The following FIGN variants were observed in gnomAD, a reference collection of about 807,000 sequenced individuals.
The protein encoded by FIGN is fidgetin.
FIGN carries 11 observed loss-of-function variants against 51.3 expected under a neutral mutation model. The observed-to-expected ratio is 0.21, with a 90% confidence interval of 0.13 to 0.35. The LOEUF is 0.35. Among genes scored for constraint, FIGN ranks in the 10% least tolerant of loss-of-function variants. The probability of loss-of-function intolerance (pLI) is 1.00; values close to 1 mark genes in which losing one functional copy is unlikely to be tolerated. For synonymous variants in FIGN, 407 were observed against 363.2 expected, an observed-to-expected ratio of 1.12 and a Z score of -1.37; for missense variants, 857 against 943.6, an observed-to-expected ratio of 0.91 and a Z score of 1.20.
At chr2:163,656,623 G>T (rs142324808) in intron 2 of FIGN, among the ~76,000 whole-genome samples, 1 of 152,036 alleles carries the variant, frequency 6.6e-6, no homozygotes, top group African/African-American at 2.4e-5. Context: ...ATAAAAGCTT[G>T]GGTTAGAAAT....
intron 2 of FIGN, among the ~76,000 whole-genome samples, chr2:163,678,277 G>T (rs1445876505): frequency 6.6e-6 from 1 of 152,040 alleles, no homozygotes; most frequent in East Asian, 1.9e-4. Flanking sequence ...CTGGAGTGCA[G>T]TGGTGCGATC....
At chr2:163,631,296 T>C (rs1559002305) in intron 2 of FIGN, among the ~76,000 whole-genome samples, 2 of 152,216 alleles carry the variant, frequency 1.3e-5, no homozygotes, top group African/African-American at 2.4e-5. Flanking sequence ...AACGTAAGCA[T>C]GTATTTGCAC....
chr2:163,659,405 CT>C (rs781050841), intron 2 of FIGN, among the ~76,000 whole-genome samples: 23 of 152,158 alleles, frequency 1.5e-4, no homozygotes, highest in Non-Finnish European at 3.2e-4. Context: ...CAAATGCATT[CT>C]TTAAATGAAT....
chr2:163,671,490 G>T (rs1683875029), intron 2 of FIGN, among the ~76,000 whole-genome samples: 1 of 152,108 alleles, frequency 6.6e-6, no homozygotes, highest in African/African-American at 2.4e-5. Context: ...TTTGCCTCCT[G>T]ATTTAATAAA....
At chr2:163,711,909 C>CT (rs1446995154) in intron 2 of FIGN, among the ~76,000 whole-genome samples, 2 of 152,118 alleles carry the variant, frequency 1.3e-5, no homozygotes, top group Non-Finnish European at 1.5e-5. Context: ...AGTCTTGTAT[C>CT]TTTCTGGATA....
intron 2 of FIGN, among the ~76,000 whole-genome samples, chr2:163,681,875 C>T (rs1684070570): frequency 6.6e-6 from 1 of 152,144 alleles, no homozygotes; most frequent in African/African-American, 2.4e-5. Context: ...AATCCAGAAA[C>T]ACTCTTTTTT....
chr2:163,616,797 C>G (rs765989253), intron 2 of FIGN, among the ~76,000 whole-genome samples: 11 of 152,126 alleles, frequency 7.2e-5, no homozygotes, highest in Non-Finnish European at 1.5e-4. Flanking sequence ...TTTACAGCCT[C>G]TTCTTTCTGA....
chr2:163,613,393 A>T (rs1455017664), intron 2 of FIGN, among the ~76,000 whole-genome samples: 5 of 152,094 alleles, frequency 3.3e-5, no homozygotes, highest in Non-Finnish European at 5.9e-5. Context: ...CTTCTGAATT[A>T]CTACAGTCTA....
At chr2:163,675,643 T>C (rs1683946195) in intron 2 of FIGN, among the ~76,000 whole-genome samples, 1 of 151,986 alleles carries the variant, frequency 6.6e-6, no homozygotes, top group African/African-American at 2.4e-5. Flanking sequence ...CTTGTGTTTC[T>C]AGCATAATTC....
At chr2:163,676,457 A>ATC (rs1559017778) in intron 2 of FIGN, among the ~76,000 whole-genome samples, 1 of 93,790 alleles carries the variant, frequency 1.1e-5, no homozygotes, top group Non-Finnish European at 2.2e-5. Flanking sequence ...ATATATATAT[A>ATC]TATATATATA....
At chr2:163,706,683 T>C (rs745593435) in intron 2 of FIGN, among the ~76,000 whole-genome samples, 4 of 152,190 alleles carry the variant, frequency 2.6e-5, no homozygotes, top group African/African-American at 7.2e-5. Context: ...CATATGCTTT[T>C]GGTTTGATAT....
At chr2:163,634,542 A>G (rs917782365) in intron 2 of FIGN, among the ~76,000 whole-genome samples, 1 of 152,064 alleles carries the variant, frequency 6.6e-6, no homozygotes, top group African/African-American at 2.4e-5. Context: ...GAGGTCCCTG[A>G]GGTCGCTTAT....
At chr2:163,643,213 T>C (rs1177394068) in intron 2 of FIGN, among the ~76,000 whole-genome samples, 1 of 152,190 alleles carries the variant, frequency 6.6e-6, no homozygotes, top group East Asian at 1.9e-4. Flanking sequence ...ACTGAGAGTC[T>C]AGAAATAAAT....
chr2:163,668,497 G>T (rs1253849393), intron 2 of FIGN, among the ~76,000 whole-genome samples: 1 of 152,148 alleles, frequency 6.6e-6, no homozygotes, highest in African/African-American at 2.4e-5. Flanking sequence ...CTGGATAAAG[G>T]CTTTAGGAGT....
chr2:163,695,265 C>CAAAG, intron 2 of FIGN, among the ~76,000 whole-genome samples: 1 of 152,130 alleles, frequency 6.6e-6, no homozygotes, highest in African/African-American at 2.4e-5. Context: ...TACTTGCCTA[C>CAAAG]AAAATTTTCC....
At chr2:163,731,232 G>A (rs752672161) in intron 2 of FIGN, among the ~76,000 whole-genome samples, 2 of 152,070 alleles carry the variant, frequency 1.3e-5, no homozygotes, top group African/African-American at 2.4e-5. Context: ...TCCTGAGTAA[G>A]ATACTAAATT....
intron 2 of FIGN, among the ~76,000 whole-genome samples, chr2:163,635,948 A>G (rs149860821): frequency 2.2e-4 from 33 of 152,376 alleles, no homozygotes; most frequent in African/African-American, 7.2e-4. Flanking sequence ...AAAGAAAGAT[A>G]TATAGATGGA....
At chr2:163,617,714 G>C (rs529668980) in intron 2 of FIGN, among the ~76,000 whole-genome samples, 18 of 152,188 alleles carry the variant, frequency 1.2e-4, no homozygotes, top group African/African-American at 3.9e-4. Flanking sequence ...TGGCAGCATT[G>C]CTTACATCAT....
intron 2 of FIGN, among the ~76,000 whole-genome samples, chr2:163,728,043 T>C (rs1337407852): frequency 6.6e-6 from 1 of 152,182 alleles, no homozygotes; most frequent in African/African-American, 2.4e-5. Flanking sequence ...AACATTAGTG[T>C]TACCGCATGA....
Sources: allele counts gnomAD v4.1 joint callset (sites outside exome capture counted in the v4.1 genomes callset), GRCh38; gene constraint gnomAD v4.1.1; transcripts MANE v1.5; gene names NCBI Gene and HGNC (gene_info 2026-07-23, HGNC 2026-07-21).